THAP4: variants seen among roughly 807,000 people sequenced by gnomAD.
THAP4 encodes the protein THAP domain containing 4.
A neutral mutation model predicts 48.1 loss-of-function variants in THAP4; 18 were observed. That is an observed-to-expected ratio of 0.37 (90% CI 0.26 to 0.56). The LOEUF (loss-of-function observed/expected upper bound fraction) is 0.56. THAP4 is among the 20% of genes least tolerant of loss of function. The pLI, the probability that THAP4 is intolerant of heterozygous loss-of-function variation, is 0.78. For missense variants in THAP4, 656 were observed against 774.9 expected (o/e 0.85, Z 1.82); for synonymous variants, 345 against 324.9 (o/e 1.06, Z -0.66).
In THAP4 at chr2:241,611,000, G is replaced by A. The variant is rs997183339; in HGVS notation, c.1241-4527C>T. On this transcript the variant is annotated intron_variant, in intron 2 of 5. Transcript: ENST00000407315. The surrounding 1 kb of genome is among the most constrained non-coding windows in gnomAD (Gnocchi z 4.2). ...ACAATATTATCACCTTCCCTCCCAA[G>A]AATTAAAAAAAACAAAAATAACGAA... 2.4e-4 allele frequency among the ~76,000 whole-genome samples: 37 copies of A among 151,956 alleles called. No individual in the cohort carries two copies. Among genetic ancestry groups the A allele is most frequent in the African/African-American group, 8.2e-4 (34 of 41,366 alleles).
chr2:241,600,327 T>G (rs1277361603), intron 5 of THAP4, among the ~76,000 whole-genome samples: 2 of 152,190 alleles, frequency 1.3e-5, no homozygotes, highest in African/African-American at 4.8e-5. Context: ...ACTGGGTCAC[T>G]CATCTGGAAG....
At chr2:241,587,633 T>C (rs1183694247) in intron 5 of THAP4, among the ~76,000 whole-genome samples, 1 of 152,236 alleles carries the variant, frequency 6.6e-6, no homozygotes, top group Admixed American at 6.5e-5. Context: ...AGAGGGTATG[T>C]TGTCTGGGCC....
At position 241,636,957 on chromosome 2, in the gene THAP4, C is replaced by T; in HGVS notation, c.61G>A (p.Ala21Thr). The T allele has an allele frequency of 1.5e-6, 2 of 1,304,546 alleles. No individual in the cohort carries two copies. The highest frequency in any genetic ancestry group is 2.0e-6 in the Non-Finnish European group (2 of 1,003,056). The allele number at this position is 1,304,546 out of a possible 1,614,324, so 80.8% of individuals were successfully genotyped here. Residue 21 changes from alanine to threonine, a missense_variant, in exon 1 of 6, where the codon GCC becomes ACC. Coordinates refer to ENST00000407315, the MANE Select transcript of THAP4 (RefSeq NM_015963.6). Reference protein sequence around the residue: ...SNRQGKGEKRAVSFHRFPLKD... With the variant: ...SNRQGKGEKRTVSFHRFPLKD... ...CCCGCGTACCTGTGGAAGGAGACGG[C>T]GCGCTTCTCGCCCTTTCCCTGCCGG...
At chr2:241,619,885 TGAGGGG>T (rs2067398158) in intron 2 of THAP4, among the ~76,000 whole-genome samples, 1 of 24,688 alleles carries the variant, frequency 4.1e-5, no homozygotes, top group South Asian at 1.5e-3. Context: ...GAGGGGTGAG[TGAGGGG>T]TGAGTCGTGA....
intron 2 of THAP4, among the ~76,000 whole-genome samples, chr2:241,608,337 C>T (rs915311779): frequency 5.9e-5 from 9 of 152,148 alleles, no homozygotes; most frequent in East Asian, 3.9e-4. Context: ...TGGGAGAGTC[C>T]GCTCCTTTTC....
rs2067680145 is a variant in THAP4 at position 241,637,043 on chromosome 2, C to T, written c.-26G>A. 1 of 1,228,460 alleles carries T rather than the reference C, an allele frequency of 8.1e-7. No homozygotes were observed. Among genetic ancestry groups the T allele is most frequent in the Non-Finnish European group, 1.0e-6 (1 of 961,168 alleles). The allele number at this position is 1,228,460 out of a possible 1,614,324, so 76.1% of individuals were successfully genotyped here. The stretch of plus-strand genomic sequence containing the variant: ...CGCGGGCCTTGGCCCAGCCGCGCAG[C>T]CAGGCCCCGGCCCTAGCCGCCCGCC... On this transcript the variant is annotated 5_prime_UTR_variant, in exon 1 of 6. Coordinates refer to ENST00000407315, the MANE Select transcript of THAP4 (RefSeq NM_015963.6).
chr2:241,608,809 T>A (rs764289585), intron 2 of THAP4, among the ~76,000 whole-genome samples: 5 of 152,138 alleles, frequency 3.3e-5, no homozygotes, highest in Admixed American at 6.5e-5. Flanking sequence ...TGGGGCACTG[T>A]GAAAACCTAC....
intron 5 of THAP4, among the ~76,000 whole-genome samples, chr2:241,596,336 G>A (rs7593942): frequency 0.33 from 49,602 of 150,202 alleles, 8,345 homozygotes; most frequent in South Asian, 0.45. Context: ...GTGAAACCCC[G>A]TCTCTACTAA....
chr2:241,588,941 A>G, intron 5 of THAP4, among the ~76,000 whole-genome samples: 1 of 152,206 alleles, frequency 6.6e-6, no homozygotes, highest in Non-Finnish European at 1.5e-5. Context: ...TAGACTGCGC[A>G]TGGTGGCTCA....
intron 5 of THAP4, 44 bp from the exon 6 acceptor site, chr2:241,584,769 A>C (rs1221546363): frequency 1.2e-6 from 2 of 1,613,382 alleles, no homozygotes; most frequent in Non-Finnish European, 8.5e-7. Context: ...TTTATCTTCA[A>C]AAGATTCAAT....
intron 1 of THAP4, among the ~76,000 whole-genome samples, chr2:241,635,850 G>C (rs150679009): frequency 1.8e-4 from 27 of 152,208 alleles, no homozygotes; most frequent in Middle Eastern, 3.4e-3. Flanking sequence ...ACTGCTATTT[G>C]CTCCACCTGA....
chr2:241,630,130 C>T (rs1161781714), intron 2 of THAP4, among the ~76,000 whole-genome samples: 1 of 152,152 alleles, frequency 6.6e-6, no homozygotes, highest in Non-Finnish European at 1.5e-5. Context: ...GCTCCCCTCG[C>T]CCAATCTGTG....
Position 241,625,814 on chromosome 2 carries a change from A to AG in THAP4, c.1240+7102_1240+7103insC, listed in dbSNP as rs1559233351. On this transcript the variant is annotated intron_variant, in intron 2 of 5. Coordinates refer to ENST00000407315, the MANE Select transcript of THAP4 (RefSeq NM_015963.6). ...CTCCGTCTCAAAAAAAAAAAAAAAA[A>AG]AAAAAAAAAAGAAAAAAGAAAACTA... Among the ~76,000 whole-genome samples the AG allele has an allele frequency of 6.0e-4, 66 of 109,270 alleles. 1 individual carries two copies. Among genetic ancestry groups the AG allele is most frequent in the East Asian group, 3.1e-3 (7 of 2,262 alleles). The allele number at this position is 109,270 out of a possible 152,430, so 71.7% of individuals were successfully genotyped here.
At chr2:241,589,057 C>G (rs1478610830) in intron 5 of THAP4, among the ~76,000 whole-genome samples, 2 of 151,874 alleles carry the variant, frequency 1.3e-5, no homozygotes, top group African/African-American at 4.8e-5. Flanking sequence ...ACTAAAAATA[C>G]AAAAAATTAG....
At chr2:241,598,654 A>G (rs900925121) in intron 5 of THAP4, among the ~76,000 whole-genome samples, 1 of 152,100 alleles carries the variant, frequency 6.6e-6, no homozygotes, top group African/African-American at 2.4e-5. Flanking sequence ...TCGTGCTCCT[A>G]TGAGAATCTA....
Position 241,626,223 on chromosome 2 carries a change from A to G in THAP4, c.1240+6694T>C, listed in dbSNP as rs190847601. Reference sequence around the variant, plus strand: ...TTTGGGAGGCTGAGGCGGGCAGATCATGAGGTCAGGAGATCGAGACCAGCC... The same window carrying G: ...TTTGGGAGGCTGAGGCGGGCAGATCGTGAGGTCAGGAGATCGAGACCAGCC... On this transcript the variant is annotated intron_variant, in intron 2 of 5. Coordinates refer to ENST00000407315, the MANE Select transcript of THAP4 (RefSeq NM_015963.6). Among the ~76,000 whole-genome samples, 20 of 152,176 alleles carry G rather than the reference A, an allele frequency of 1.3e-4. No individual in the cohort carries two copies. In the East Asian group the frequency reaches 3.7e-3, roughly 28 times the overall value.
chr2:241,617,451 T>G (rs1169051936), intron 2 of THAP4: 18 of 1,551,280 alleles, frequency 1.2e-5, no homozygotes, highest in Non-Finnish European at 1.6e-5. Context: ...CTCGTCAAGG[T>G]TCCTCAAGGT....
chr2:241,587,344 C>T (rs1054714875), intron 5 of THAP4, among the ~76,000 whole-genome samples: 5 of 152,192 alleles, frequency 3.3e-5, no homozygotes, highest in African/African-American at 1.2e-4. Context: ...GGCCCCCCGA[C>T]CTTTGGACTC....
At chr2:241,619,084 C>T (rs1036134126) in intron 2 of THAP4, among the ~76,000 whole-genome samples, 3 of 152,172 alleles carry the variant, frequency 2.0e-5, no homozygotes, top group African/African-American at 7.2e-5. Context: ...GGGCTTAAAT[C>T]GAGTCACAGG....
Sources: allele counts gnomAD v4.1 joint callset (sites outside exome capture counted in the v4.1 genomes callset), GRCh38; gene constraint gnomAD v4.1.1; non-coding constraint Gnocchi (gnomAD v3.1); transcripts MANE v1.5; gene names NCBI Gene and HGNC (gene_info 2026-07-23, HGNC 2026-07-21).